ADAMTSL1: variants seen among roughly 807,000 people sequenced by gnomAD.
ADAMTSL1 encodes the protein ADAMTS-like protein 1.
ADAMTSL1 carries 126 observed loss-of-function variants against 201.8 expected under a neutral mutation model. That is an observed-to-expected ratio of 0.62 (90% CI 0.54 to 0.72). ADAMTSL1 has a LOEUF of 0.72. Ranked by LOEUF, ADAMTSL1 falls within the 30% of genes least tolerant of loss-of-function variation. ADAMTSL1 has a pLI of 0.00. For synonymous variants in ADAMTSL1, 1,121 were observed against 903.4 expected (o/e 1.24, Z -4.32); for missense variants, 2,679 against 2,277.8 (o/e 1.18, Z -3.59).
chr9:18,569,057 C>T (rs1367645655), intron 3 of ADAMTSL1, among the ~76,000 whole-genome samples: 2 of 152,060 alleles, frequency 1.3e-5, no homozygotes, highest in Non-Finnish European at 2.9e-5. Flanking sequence ...TATATAGTGC[C>T]ACCTTAGCTG....
chr9:18,322,680 A>C (rs939384667), intron 2 of ADAMTSL1, among the ~76,000 whole-genome samples: 1 of 152,156 alleles, frequency 6.6e-6, no homozygotes, highest in African/African-American at 2.4e-5. Context: ...AACCGTTAGC[A>C]ATACCAATAG....
chr9:18,378,987 G>A (rs1837429242), intron 2 of ADAMTSL1, among the ~76,000 whole-genome samples: 1 of 152,156 alleles, frequency 6.6e-6, no homozygotes, highest in Non-Finnish European at 1.5e-5. Flanking sequence ...CCAGACAGAA[G>A]CAAGAAAAAG....
chr9:18,636,674 C>T (rs1189686026), intron 6 of ADAMTSL1, among the ~76,000 whole-genome samples: 2 of 152,128 alleles, frequency 1.3e-5, no homozygotes, highest in East Asian at 3.9e-4. Context: ...GGCAGCAGTA[C>T]AGAGCCACCT....
intron 2 of ADAMTSL1, among the ~76,000 whole-genome samples, chr9:18,272,962 T>C (rs1832439012): frequency 6.6e-6 from 1 of 152,240 alleles, no homozygotes; most frequent in Non-Finnish European, 1.5e-5. Context: ...ATTATTTCTT[T>C]GAATTATAAA....
chr9:18,852,988 G>A (rs1409131072), intron 23 of ADAMTSL1, among the ~76,000 whole-genome samples: 1 of 152,162 alleles, frequency 6.6e-6, no homozygotes, highest in African/African-American at 2.4e-5. Flanking sequence ...TTTCTAGCCA[G>A]GAGCAGTTTC....
intron 1 of ADAMTSL1, among the ~76,000 whole-genome samples, chr9:17,983,068 C>CTTTTTTTT (rs1334217552): frequency 1.0e-5 from 1 of 97,466 alleles, no homozygotes; most frequent in African/African-American, 4.0e-5. Flanking sequence ...TTCTTTCTTT[C>CTTTTTTTT]TTTCTTTCTT....
intron 2 of ADAMTSL1, among the ~76,000 whole-genome samples, chr9:18,216,998 T>C (rs1303265817): frequency 6.6e-6 from 1 of 152,004 alleles, no homozygotes; most frequent in Admixed American, 6.6e-5. Context: ...GGAGTTGAGA[T>C]AGGGCTATGA....
At position 18,579,844 on chromosome 9, in the gene ADAMTSL1, C is replaced by G. The variant is rs1183554023; in HGVS notation, c.474+5578C>G. Among the ~76,000 whole-genome samples, 3 of 152,120 alleles carry G rather than the reference C, an allele frequency of 2.0e-5. No homozygotes were observed. In the East Asian group the frequency reaches 5.8e-4, roughly 29 times the overall value. On this transcript the variant is annotated intron_variant, in intron 4 of 28. Transcript: ENST00000380548. The stretch of plus-strand genomic sequence containing the variant: ...GCTGTTATTCATTTATTTTCATTAT[C>G]CAAATTACCCCTATTTATATTTGTT...
chr9:18,385,552 T>C (rs1185807953), intron 2 of ADAMTSL1, among the ~76,000 whole-genome samples: 4 of 152,194 alleles, frequency 2.6e-5, no homozygotes, highest in Non-Finnish European at 5.9e-5. Flanking sequence ...AGACAGGTAA[T>C]AATAAAGAAT....
At chr9:18,025,651 G>A (rs1334814459) in intron 1 of ADAMTSL1, among the ~76,000 whole-genome samples, 1 of 152,038 alleles carries the variant, frequency 6.6e-6, no homozygotes, top group Non-Finnish European at 1.5e-5. Flanking sequence ...TTTGGTTACT[G>A]TGGCCTTGTG....
intron 2 of ADAMTSL1, among the ~76,000 whole-genome samples, chr9:18,260,514 C>G (rs1265533393): frequency 6.6e-6 from 1 of 152,256 alleles, no homozygotes; most frequent in African/African-American, 2.4e-5. Flanking sequence ...CTAGGATCCT[C>G]CACGGTGCCT....
intron 1 of ADAMTSL1, among the ~76,000 whole-genome samples, chr9:18,099,355 A>ATATATATATATTTTTTTTTTTT (rs1239180390): frequency 2.2e-5 from 1 of 45,562 alleles, no homozygotes; most frequent in African/African-American, 8.1e-5. Context: ...ATATATATAT[A>ATATATATATATTTTTTTTTTTT]TTTTTTTTTT....
At chr9:18,521,533 A>G (rs1274972697) in intron 2 of ADAMTSL1, among the ~76,000 whole-genome samples, 1 of 151,966 alleles carries the variant, frequency 6.6e-6, no homozygotes, top group African/African-American at 2.4e-5. Flanking sequence ...ATATGTTAAT[A>G]TTAATAAAGT....
At chr9:18,172,640 A>G (rs1827950810) in intron 2 of ADAMTSL1, among the ~76,000 whole-genome samples, 1 of 152,212 alleles carries the variant, frequency 6.6e-6, no homozygotes, top group South Asian at 2.1e-4. Context: ...AATCTACCTT[A>G]GAGAAGCCCT....
intron 2 of ADAMTSL1, among the ~76,000 whole-genome samples, chr9:18,517,688 G>A (rs556916912): frequency 1.3e-5 from 2 of 151,830 alleles, no homozygotes; most frequent in South Asian, 2.1e-4. Context: ...TTGTTCTTGC[G>A]ATAGTTTACT....
At chr9:18,214,846 C>A (rs1015225093) in intron 2 of ADAMTSL1, among the ~76,000 whole-genome samples, 1 of 152,072 alleles carries the variant, frequency 6.6e-6, no homozygotes, top group African/African-American at 2.4e-5. Context: ...AAATGTCATG[C>A]ACTCTATAAT....
chr9:17,938,332 T>G lies in ADAMTSL1; in HGVS notation c.87+31410T>G, dbSNP rs183090906. On this transcript the variant is annotated intron_variant, in intron 1 of 29. Coordinates refer to the ADAMTSL1 transcript ENST00000680146. ...TGGGTATTGAGTAACATGAATTTCA[T>G]GTAATTTGAGTCTTGAAAATTTCAT... is the stretch of plus-strand genomic sequence containing the variant. Among the ~76,000 whole-genome samples the G allele has an allele frequency of 1.6e-4, 24 of 152,250 alleles. 2 individuals carry two copies. In the East Asian group the frequency reaches 2.5e-3, roughly 16 times the overall value.
intron 21 of ADAMTSL1, among the ~76,000 whole-genome samples, chr9:18,818,221 T>C (rs1347142853): frequency 6.6e-6 from 1 of 152,128 alleles, no homozygotes; most frequent in Non-Finnish European, 1.5e-5. Context: ...TTCTGATTGC[T>C]GTCCTCATCA....
At chr9:18,127,129 A>T (rs1415821016) in intron 1 of ADAMTSL1, among the ~76,000 whole-genome samples, 1 of 152,156 alleles carries the variant, frequency 6.6e-6, no homozygotes, top group Non-Finnish European at 1.5e-5. Flanking sequence ...CACAGCTGTG[A>T]AGGTTTTGTG....
Sources: allele counts gnomAD v4.1 joint callset (sites outside exome capture counted in the v4.1 genomes callset), GRCh38; gene constraint gnomAD v4.1.1; transcripts MANE v1.5; gene names NCBI Gene and HGNC (gene_info 2026-07-23, HGNC 2026-07-21).